The following LRRC8D variants were observed in gnomAD, a reference collection of about 807,000 sequenced individuals.
LRRC8D encodes leucine rich repeat containing 8 VRAC subunit D.
LRRC8D carries 20 observed loss-of-function variants against 55.8 expected under a neutral mutation model. The observed-to-expected ratio is 0.36, with a 90% CI of 0.25 to 0.52. The LOEUF (loss-of-function observed/expected upper bound fraction) is 0.52. Among genes scored for constraint, LRRC8D ranks in the 20% least tolerant of loss-of-function variants. The probability of loss-of-function intolerance (pLI) is 0.93; values close to 1 mark genes in which losing one functional copy is unlikely to be tolerated. For synonymous variants in LRRC8D, 352 were observed against 377.0 expected (o/e 0.93, Z 0.77); for missense variants, 651 against 1,030.8 (o/e 0.63, Z 5.05).
Position 89,935,123 on chromosome 1 carries a change from G to A in LRRC8D, c.2055G>A (p.Leu685=). 6.2e-7 allele frequency: 1 copy of A among 1,614,180 alleles called. No individual in the cohort carries two copies. Among genetic ancestry groups the A allele is most frequent in the South Asian group, 1.1e-5 (1 of 91,072 alleles). ...TCAGTTTCCAGCATTTAAAACGACT[G>A]ACTTGTTTAAAATTATGGCATAACA... ...EIISFQHLKR[L]TCLKLWHNKI... is the part of the protein sequence containing the mutation. The change falls in exon 3 of 3, where the codon CTG becomes CTA. Residue 685 remains leucine, a synonymous_variant. Coordinates refer to ENST00000337338, the MANE Select transcript of LRRC8D (RefSeq NM_001134479.2).
intron 2 of LRRC8D, among the ~76,000 whole-genome samples, chr1:89,930,766 G>A (rs886222800): frequency 1.3e-5 from 2 of 150,810 alleles, no homozygotes; most frequent in Admixed American, 6.7e-5. Context: ...GCTGTGTTTT[G>A]TGCATTCTAG....
chr1:89,926,260 G>T (rs1041969209), intron 2 of LRRC8D, among the ~76,000 whole-genome samples: 1 of 152,206 alleles, frequency 6.6e-6, no homozygotes, highest in African/African-American at 2.4e-5. Flanking sequence ...TATTAGGTTG[G>T]TGCAACTTTT....
rs376151123 is a variant in LRRC8D, at chr1:89,868,852, T to C, written c.-3+25070T>C. On this transcript the variant is annotated intron_variant, in intron 2 of 2. Transcript: ENST00000337338. ...TAGTCTGCTGCAGTAATTGGGAGGATATAGAATAACTTTTTAAGTATTGAC... is the reference window on the plus strand; with the variant it reads ...TAGTCTGCTGCAGTAATTGGGAGGACATAGAATAACTTTTTAAGTATTGAC... Among the ~76,000 whole-genome samples, 6 of 152,316 alleles carry C rather than the reference T, an allele frequency of 3.9e-5. No homozygotes were observed. In the South Asian group the frequency reaches 1.0e-3, roughly 26 times the overall value.
chr1:89,929,061 T>C (rs1165919966), intron 2 of LRRC8D, among the ~76,000 whole-genome samples: 1 of 152,222 alleles, frequency 6.6e-6, no homozygotes, highest in Non-Finnish European at 1.5e-5. Context: ...AAGTACCTAC[T>C]ATGTGTCAGG....
intron 2 of LRRC8D, among the ~76,000 whole-genome samples, chr1:89,893,740 A>G (rs1002483239): frequency 3.3e-5 from 5 of 152,234 alleles, no homozygotes; most frequent in Non-Finnish European, 5.9e-5. Context: ...GTTGGTTTTT[A>G]GACTTAAGAC....
At chr1:89,867,176 T>G (rs575683456) in intron 2 of LRRC8D, among the ~76,000 whole-genome samples, 10 of 152,318 alleles carry the variant, frequency 6.6e-5, no homozygotes, top group African/African-American at 2.4e-4. Flanking sequence ...TCCATCCTTT[T>G]CAGTCTCACC....
chr1:89,856,871 C>T (rs986408194), intron 2 of LRRC8D, among the ~76,000 whole-genome samples: 2 of 152,146 alleles, frequency 1.3e-5, no homozygotes, highest in Admixed American at 1.3e-4. Flanking sequence ...GTTTCTCCCC[C>T]CACATTTACT....
At chr1:89,931,003 ATTTT>A (rs56714673) in intron 2 of LRRC8D, among the ~76,000 whole-genome samples, 1 of 120,962 alleles carries the variant, frequency 8.3e-6, no homozygotes, top group African/African-American at 3.2e-5. Context: ...TTCCTTGGTA[ATTTT>A]TTTTTTTTTT....
intron 2 of LRRC8D, among the ~76,000 whole-genome samples, chr1:89,903,735 G>T (rs565478074): frequency 3.3e-5 from 5 of 152,272 alleles, no homozygotes; most frequent in Admixed American, 3.3e-4. Context: ...TACTTTTGGG[G>T]TGTTTGCTGA....
At chr1:89,821,547 C>T (rs556333590) in intron 1 of LRRC8D, among the ~76,000 whole-genome samples, 178 of 152,232 alleles carry the variant, frequency 1.2e-3, no homozygotes, top group Non-Finnish European at 1.8e-3. Flanking sequence ...CGCTTCGGCC[C>T]CGGGCGGCCG....
intron 2 of LRRC8D, among the ~76,000 whole-genome samples, chr1:89,917,166 G>T (rs1257906254): frequency 2.0e-5 from 3 of 152,108 alleles, no homozygotes; most frequent in Non-Finnish European, 2.9e-5. Flanking sequence ...CCATCTGTTA[G>T]ATATCTTTAT....
chr1:89,847,846 T>C (rs1303148124), intron 2 of LRRC8D, among the ~76,000 whole-genome samples: 2 of 152,236 alleles, frequency 1.3e-5, no homozygotes, highest in Non-Finnish European at 2.9e-5. Context: ...AAGTATATAT[T>C]GCAAATAATG....
chr1:89,920,936 G>T (rs555262001), intron 2 of LRRC8D, among the ~76,000 whole-genome samples: 32 of 152,318 alleles, frequency 2.1e-4, no homozygotes, highest in Admixed American at 1.2e-3. Context: ...TTCAATGAAA[G>T]ATTTGAGAAT....
At chr1:89,864,051 C>A (rs1661785117) in intron 2 of LRRC8D, among the ~76,000 whole-genome samples, 1 of 152,190 alleles carries the variant, frequency 6.6e-6, no homozygotes, top group African/African-American at 2.4e-5. Context: ...CTATGTTGAG[C>A]TCTTGCCCCA....
At chr1:89,919,490 C>T (rs1393937086) in intron 2 of LRRC8D, among the ~76,000 whole-genome samples, 1 of 152,164 alleles carries the variant, frequency 6.6e-6, no homozygotes, top group Non-Finnish European at 1.5e-5. Flanking sequence ...AGAAGAAATA[C>T]TATTAAATGT....
intron 2 of LRRC8D, among the ~76,000 whole-genome samples, chr1:89,889,345 A>C (rs1289873061): frequency 6.6e-6 from 1 of 152,132 alleles, no homozygotes; most frequent in Non-Finnish European, 1.5e-5. Flanking sequence ...ACCTAAGGAG[A>C]TATGAGTAAT....
At chr1:89,853,316 G>A (rs1411904814) in intron 2 of LRRC8D, among the ~76,000 whole-genome samples, 1 of 152,196 alleles carries the variant, frequency 6.6e-6, no homozygotes, top group African/African-American at 2.4e-5. Flanking sequence ...TTGAAGTGGA[G>A]TTGGGGTGTC....
chr1:89,864,488 C>T (rs1661795160), intron 2 of LRRC8D, among the ~76,000 whole-genome samples: 1 of 152,028 alleles, frequency 6.6e-6, no homozygotes, highest in Non-Finnish European at 1.5e-5. Context: ...AATGAAGTGC[C>T]AAGCCCTCTC....
At chr1:89,912,028 T>C (rs544035335) in intron 2 of LRRC8D, among the ~76,000 whole-genome samples, 13 of 152,324 alleles carry the variant, frequency 8.5e-5, no homozygotes, top group Non-Finnish European at 1.3e-4. Flanking sequence ...CCTGCATATG[T>C]GGATTAGTCA....
Sources: allele counts gnomAD v4.1 joint callset (sites outside exome capture counted in the v4.1 genomes callset), GRCh38; gene constraint gnomAD v4.1.1; transcripts MANE v1.5; gene names NCBI Gene and HGNC (gene_info 2026-07-23, HGNC 2026-07-21).